Variants in GPC5 observed in about 807,000 individuals in gnomAD.
The protein encoded by GPC5 is glypican 5.
A neutral mutation model predicts 53.9 loss-of-function variants in GPC5; 47 were observed. That is an observed-to-expected ratio of 0.87 (90% CI 0.69 to 1.11). GPC5 has a LOEUF of 1.11. Among genes scored for constraint, GPC5 ranks in the 50% most tolerant of loss-of-function variants. GPC5 has a pLI of 0.00. For missense variants in GPC5, 748 were observed against 713.1 expected (o/e 1.05, Z -0.56); for synonymous variants, 286 against 263.3 (o/e 1.09, Z -0.84).
chr13:91,918,286 G>T (rs985790407), intron 6 of GPC5, among the ~76,000 whole-genome samples: 1 of 152,038 alleles, frequency 6.6e-6, no homozygotes, highest in Admixed American at 6.6e-5. Context: ...TTGACATGTG[G>T]GTATTATAGA....
chr13:91,573,462 A>C (rs759175383), intron 2 of GPC5, among the ~76,000 whole-genome samples: 18 of 152,196 alleles, frequency 1.2e-4, no homozygotes, highest in Admixed American at 9.2e-4. Context: ...TGCGTATTAC[A>C]AAGTAATGAA....
rs538280288 is a variant in GPC5 at position 92,331,359 on chromosome 13, T to C, written c.1561+186370T>C. Among the ~76,000 whole-genome samples the C allele has an allele frequency of 8.5e-5, 13 of 152,342 alleles. No individual in the cohort carries two copies. The South Asian group carries it at 2.7e-3, about 32-fold the overall frequency. Reference sequence around the variant, plus strand: ...CAGGTTTAAGCTATTTCCTCTCATCTGGGTCTTCTCTTTGTCTCTGGATCC... The same window carrying C: ...CAGGTTTAAGCTATTTCCTCTCATCCGGGTCTTCTCTTTGTCTCTGGATCC... On this transcript the variant is annotated intron_variant, in intron 7 of 7. Coordinates refer to ENST00000377067, the MANE Select transcript of GPC5 (RefSeq NM_004466.6).
At chr13:92,585,216 C>G (rs1407815325) in intron 7 of GPC5, among the ~76,000 whole-genome samples, 2 of 152,118 alleles carry the variant, frequency 1.3e-5, no homozygotes, top group African/African-American at 4.8e-5. Context: ...ACACTCAACA[C>G]TAGCCCATGG....
rs117704450 is a variant in GPC5, at chr13:91,420,518, A to G, written c.163+21309A>G. Among the ~76,000 whole-genome samples the G allele has an allele frequency of 5.0e-3, 765 of 152,212 alleles. 7 individuals are homozygous for G. The highest frequency in any genetic ancestry group is 0.01 in the Middle Eastern group (3 of 294). ...CCTCAGAGCCAGCAGCTTAACTACC[A>G]TTACTTTTTCCTTTCTGCGATTATT... On this transcript the variant is annotated intron_variant, in intron 1 of 7. Transcript: ENST00000377067.
In GPC5 at chr13:92,561,133, C is replaced by T. The variant is rs1236209995; in HGVS notation, c.1562-305149C>T. ...GAGTAGCCATAGTAAAATCCTTCTT[C>T]GGTGAAGTAATAGTGTAACATAATA... On this transcript the variant is annotated intron_variant, in intron 7 of 7. Coordinates refer to ENST00000377067, the MANE Select transcript of GPC5 (RefSeq NM_004466.6). Among the ~76,000 whole-genome samples, 8 of 151,830 alleles carry T rather than the reference C, an allele frequency of 5.3e-5. No homozygotes were observed. In the South Asian group the frequency reaches 6.2e-4, roughly 12 times the overall value.
At chr13:92,054,476 T>G (rs2041058208) in intron 6 of GPC5, among the ~76,000 whole-genome samples, 1 of 152,124 alleles carries the variant, frequency 6.6e-6, no homozygotes, top group South Asian at 2.1e-4. Flanking sequence ...TTAATTTACT[T>G]AGAACTCATG....
At chr13:92,350,680 A>G (rs2043469491) in intron 7 of GPC5, among the ~76,000 whole-genome samples, 1 of 152,174 alleles carries the variant, frequency 6.6e-6, no homozygotes, top group Admixed American at 6.5e-5. Context: ...GTCAATTTCG[A>G]AAGTTCTCAC....
chr13:92,054,513 C>T (rs1198251257), intron 6 of GPC5, among the ~76,000 whole-genome samples: 1 of 152,058 alleles, frequency 6.6e-6, no homozygotes, highest in Admixed American at 6.6e-5. Context: ...TGCAGGCATT[C>T]TTAAATGCAA....
intron 6 of GPC5, among the ~76,000 whole-genome samples, chr13:92,106,653 A>G (rs2041512653): frequency 6.6e-6 from 1 of 152,130 alleles, no homozygotes; most frequent in African/African-American, 2.4e-5. Flanking sequence ...AAATCGAATG[A>G]AAAGGTACCA....
chr13:92,600,006 C>T (rs189059350), intron 7 of GPC5, among the ~76,000 whole-genome samples: 250 of 152,222 alleles, frequency 1.6e-3, no homozygotes, highest in Non-Finnish European at 2.9e-3. Flanking sequence ...TGGTGACTTA[C>T]GGGATATAGT....
rs1485882459 is a variant in GPC5, at chr13:92,314,834, A to G, written c.1561+169845A>G. Among the ~76,000 whole-genome samples the G allele has an allele frequency of 2.0e-5, 3 of 152,070 alleles. No individual in the cohort carries two copies. In the South Asian group the frequency reaches 6.2e-4, roughly 32 times the overall value. On this transcript the variant is annotated intron_variant, in intron 7 of 7. Coordinates refer to ENST00000377067, the MANE Select transcript of GPC5 (RefSeq NM_004466.6). Reference sequence around the variant, plus strand: ...GCCACCCAGGCTGGAGTGCTGTGGCATGTTTATGGCTCACTGCAGCCTCAA... The same window carrying G: ...GCCACCCAGGCTGGAGTGCTGTGGCGTGTTTATGGCTCACTGCAGCCTCAA...
chr13:92,658,952 G>A (rs1337614803), intron 7 of GPC5: 3 of 108,934 alleles, frequency 2.8e-5, no homozygotes, highest in African/African-American at 7.2e-5. Context: ...TTTTTGAGAC[G>A]GAGTCTCGCT....
At chr13:91,601,173 AAAC>A (rs1352983236) in intron 2 of GPC5, among the ~76,000 whole-genome samples, 1 of 152,198 alleles carries the variant, frequency 6.6e-6, no homozygotes, top group Non-Finnish European at 1.5e-5. Context: ...TATTTTTTAA[AAAC>A]AACCAATCAA....
chr13:91,501,076 G>A (rs972095741), intron 2 of GPC5, among the ~76,000 whole-genome samples: 1 of 152,036 alleles, frequency 6.6e-6, no homozygotes, highest in Non-Finnish European at 1.5e-5. Context: ...ACCCAGTCTT[G>A]GGTATGTCTT....
At chr13:92,541,242 C>A (rs997981381) in intron 7 of GPC5, among the ~76,000 whole-genome samples, 7 of 151,670 alleles carry the variant, frequency 4.6e-5, no homozygotes, top group African/African-American at 1.2e-4. Flanking sequence ...GAAATTGAAT[C>A]CCTTGGGTGT....
intron 7 of GPC5, among the ~76,000 whole-genome samples, chr13:92,706,317 G>A (rs1230172102): frequency 6.6e-6 from 1 of 151,316 alleles, no homozygotes; most frequent in African/African-American, 2.4e-5. Context: ...TACAAATAAG[G>A]CTTAACTTCA....
At chr13:92,574,284 C>A (rs549339228) in intron 7 of GPC5, among the ~76,000 whole-genome samples, 1 of 152,146 alleles carries the variant, frequency 6.6e-6, no homozygotes, top group Non-Finnish European at 1.5e-5. Flanking sequence ...CTGCTAGCAC[C>A]TTTTCAGAGT....
chr13:92,579,684 T>G (rs1566303053), intron 7 of GPC5, among the ~76,000 whole-genome samples: 1 of 152,124 alleles, frequency 6.6e-6, no homozygotes, highest in Non-Finnish European at 1.5e-5. Flanking sequence ...TTGTCTTTGT[T>G]ATAACATGTA....
chr13:91,581,750 A>G (rs1464563393), intron 2 of GPC5, among the ~76,000 whole-genome samples: 1 of 152,102 alleles, frequency 6.6e-6, no homozygotes, highest in Non-Finnish European at 1.5e-5. Flanking sequence ...CTTCTCAATC[A>G]TTAAGATAAT....
Sources: gnomAD v4.1 joint callset for allele counts (sites outside exome capture counted in the v4.1 genomes callset) on GRCh38, gnomAD v4.1.1 for gene constraint, MANE v1.5 for transcripts, NCBI Gene and HGNC (gene_info 2026-07-23, HGNC 2026-07-21) for gene names.